Variants in ANKS1B observed in about 807,000 individuals in gnomAD.
The protein encoded by ANKS1B is ankyrin repeat and sterile alpha motif domain-containing protein 1B.
Under a neutral mutation model 148.3 loss-of-function variants are expected in ANKS1B, and 36 were observed. The ratio of observed to expected loss-of-function variants is 0.24; its 90% CI spans 0.19 to 0.32. ANKS1B has a LOEUF of 0.32. ANKS1B is among the 10% of genes least tolerant of loss of function. The pLI, the probability that ANKS1B is intolerant of heterozygous loss-of-function variation, is 1.00. For synonymous variants in ANKS1B, 542 were observed against 560.8 expected, an observed-to-expected ratio of 0.97 and a Z score of 0.47; for missense variants, 1,157 against 1,542.6, an observed-to-expected ratio of 0.75 and a Z score of 4.19.
intron 8 of ANKS1B, among the ~76,000 whole-genome samples, chr12:99,695,540 T>C (rs2053755178): frequency 6.6e-6 from 1 of 152,216 alleles, no homozygotes; most frequent in East Asian, 1.9e-4. Flanking sequence ...CACTGTCTTA[T>C]GCATGGTGGT....
Position 99,648,148 on chromosome 12 carries a change from G to C in ANKS1B, c.1272+6919C>G, listed in dbSNP as rs780699403. The stretch of plus-strand genomic sequence containing the variant: ...TTAAGGAAGGTGTGGAGCAGCTGCT[G>C]GGAACTGTCTTGATTTAAAGGAAGA... On this transcript the variant is annotated intron_variant, in intron 9 of 26. Coordinates refer to ENST00000683438, the MANE Select transcript of ANKS1B (RefSeq NM_001352186.2). The C allele has an allele frequency of 9.5e-6, 15 of 1,584,902 alleles. No individual in the cohort carries two copies. The Admixed American group carries it at 2.4e-4, about 25-fold the overall frequency.
At chr12:99,350,645 T>C (rs771613007) in intron 12 of ANKS1B, among the ~76,000 whole-genome samples, 6 of 152,032 alleles carry the variant, frequency 3.9e-5, no homozygotes, top group Non-Finnish European at 8.8e-5. Flanking sequence ...GGTACAAAGG[T>C]ACTGCTTTTT....
Position 99,795,463 on chromosome 12 carries a change from G to T in ANKS1B, c.669+10941C>A, listed in dbSNP as rs142293957. 9.8e-3 allele frequency among the ~76,000 whole-genome samples: 1,485 copies of T among 151,938 alleles called. 25 individuals are homozygous for T. Among genetic ancestry groups the T allele is most frequent in the African/African-American group, 0.034 (1,403 of 41,466 alleles). ...AGTAAAATAAAAACATTTTCAGACAGACTAAAAATGAGTGGTTACTTACAA... is the reference window on the plus strand; with the variant it reads ...AGTAAAATAAAAACATTTTCAGACATACTAAAAATGAGTGGTTACTTACAA... On this transcript the variant is annotated intron_variant, in intron 4 of 26. Transcript: ENST00000683438.
At chr12:98,895,132 C>T (rs1372897431) in intron 17 of ANKS1B, 1 of 985,236 alleles carries the variant, frequency 1.0e-6, no homozygotes, top group Non-Finnish European at 1.2e-6. Flanking sequence ...GGAGGGCTTA[C>T]CGCTCGGGCG....
At chr12:99,428,329 G>A (rs2095301103) in intron 11 of ANKS1B, among the ~76,000 whole-genome samples, 1 of 152,110 alleles carries the variant, frequency 6.6e-6, no homozygotes, top group Admixed American at 6.5e-5. Context: ...CATGCCCTGA[G>A]CAGGAGGTGT....
At position 99,246,349 on chromosome 12, in the gene ANKS1B, C is replaced by G; in HGVS notation, c.2272G>C (p.Glu758Gln). The G allele has an allele frequency of 6.2e-7, 1 of 1,613,478 alleles. No individual in the cohort carries two copies. The change falls in exon 13 of 27, where the codon GAA becomes CAA. Residue 758 changes from glutamate to glutamine, a missense_variant. Physicochemically the swap from Glu to Gln is conservative, Grantham distance 29. This residue lies in a region of ANKS1B where 661 missense variants were observed against 642.1 expected (regional missense o/e 1.03). Transcript: ENST00000683438. ...NEKTSRVNWS[E>Q]SSTAEHSSKG... Reference sequence around the variant, plus strand: ...GAACTGTGTTCAGCAGTGGAAGATTCACTCCAGTTAACTCTTGATGTTTTC... The same window carrying G: ...GAACTGTGTTCAGCAGTGGAAGATTGACTCCAGTTAACTCTTGATGTTTTC...
intron 2 of ANKS1B, 109 bp downstream of exon 2, chr12:99,825,200 C>T (rs2083033642): frequency 3.4e-6 from 3 of 887,768 alleles, no homozygotes; most frequent in South Asian, 3.3e-5. Context: ...CCAAATTCAC[C>T]TAAGCCCATT....
At chr12:99,715,744 G>A (rs1359920551) in intron 8 of ANKS1B, among the ~76,000 whole-genome samples, 2 of 152,066 alleles carry the variant, frequency 1.3e-5, no homozygotes, top group Non-Finnish European at 2.9e-5. Flanking sequence ...ATTTTAAATC[G>A]GGTAAGCAGC....
At chr12:99,159,674 A>C (rs1186961422) in intron 14 of ANKS1B, among the ~76,000 whole-genome samples, 3 of 152,202 alleles carry the variant, frequency 2.0e-5, no homozygotes, top group Admixed American at 1.3e-4. Context: ...TATTGTGAAT[A>C]GTGCTGCGAT....
chr12:99,503,683 C>T (rs1265339855), intron 10 of ANKS1B, among the ~76,000 whole-genome samples: 1 of 152,100 alleles, frequency 6.6e-6, no homozygotes, highest in Non-Finnish European at 1.5e-5. Context: ...TTCCCAATGT[C>T]TCACTATTAA....
intron 12 of ANKS1B, among the ~76,000 whole-genome samples, chr12:99,397,193 T>C (rs1202533570): frequency 6.6e-6 from 1 of 152,172 alleles, no homozygotes; most frequent in Non-Finnish European, 1.5e-5. Context: ...TAATAGTTAC[T>C]AACATTTATT....
At chr12:98,870,469 C>T (rs1028195604) in intron 17 of ANKS1B, among the ~76,000 whole-genome samples, 5 of 152,194 alleles carry the variant, frequency 3.3e-5, no homozygotes, top group Non-Finnish European at 5.9e-5. Context: ...CTTTTCCTCC[C>T]TCCCTCACCC....
chr12:99,788,890 G>A (rs1229358427), intron 4 of ANKS1B, among the ~76,000 whole-genome samples: 1 of 152,134 alleles, frequency 6.6e-6, no homozygotes, highest in African/African-American at 2.4e-5. Flanking sequence ...TGTGGAAAAG[G>A]GAAGAAAGAG....
intron 12 of ANKS1B, among the ~76,000 whole-genome samples, chr12:99,263,062 C>T (rs2153983514): frequency 6.6e-6 from 1 of 152,104 alleles, no homozygotes; most frequent in South Asian, 2.1e-4. Flanking sequence ...TGTTCCCTCA[C>T]ATAATACCCC....
intron 10 of ANKS1B, 136 bp downstream of exon 10, chr12:99,504,339 GA>G: frequency 1.1e-6 from 1 of 894,922 alleles, no homozygotes; most frequent in Non-Finnish European, 1.7e-6. Flanking sequence ...ACTTCAAAAT[GA>G]AAAAATAATT....
chr12:99,300,703 T>C (rs1418126467), intron 12 of ANKS1B, among the ~76,000 whole-genome samples: 3 of 152,136 alleles, frequency 2.0e-5, no homozygotes. Flanking sequence ...GTGGATAAAA[T>C]GCATATAACT....
chr12:99,133,724 A>C (rs1232166408), intron 15 of ANKS1B, among the ~76,000 whole-genome samples: 1 of 152,146 alleles, frequency 6.6e-6, no homozygotes, highest in Admixed American at 6.5e-5. Context: ...CCATAAGCCT[A>C]TTTACTCCGG....
chr12:99,971,255 A>G (rs2095554697), intron 1 of ANKS1B, among the ~76,000 whole-genome samples: 1 of 152,188 alleles, frequency 6.6e-6, no homozygotes, highest in Non-Finnish European at 1.5e-5. Flanking sequence ...CAAAGTTTCT[A>G]TCAACCTTCA....
intron 8 of ANKS1B, among the ~76,000 whole-genome samples, chr12:99,724,210 G>C (rs916654142): frequency 1.3e-5 from 2 of 152,142 alleles, no homozygotes; most frequent in African/African-American, 2.4e-5. Flanking sequence ...AATTCTGCTA[G>C]CTAAAGGATC....
Sources: gnomAD v4.1 joint callset for allele counts (sites outside exome capture counted in the v4.1 genomes callset) on GRCh38, gnomAD v4.1.1 for gene constraint, gnomAD v4.1.1 regional missense constraint, MANE v1.5 for transcripts, NCBI Gene and HGNC (gene_info 2026-07-23, HGNC 2026-07-21) for gene names.